The following FSHR variants were observed in gnomAD, a reference collection of about 807,000 sequenced individuals.
FSHR encodes follicle stimulating hormone receptor.
A neutral mutation model predicts 52.1 loss-of-function variants in FSHR; 46 were observed. The ratio of observed to expected loss-of-function variants is 0.88; its 90% CI spans 0.70 to 1.13. The LOEUF (loss-of-function observed/expected upper bound fraction) is 1.13, where lower values mean the gene tolerates loss of function less well. Among genes scored for constraint, FSHR ranks in the 50% most tolerant of loss-of-function variants. The probability of loss-of-function intolerance (pLI) is 0.00; values close to 1 mark genes in which losing one functional copy is unlikely to be tolerated. For synonymous variants in FSHR, 399 were observed against 309.6 expected, an observed-to-expected ratio of 1.29 and a Z score of -3.03; for missense variants, 964 against 834.6, an observed-to-expected ratio of 1.16 and a Z score of -1.91.
At chr2:49,037,570 A>G (rs1408537085) in intron 2 of FSHR, among the ~76,000 whole-genome samples, 2 of 151,528 alleles carry the variant, frequency 1.3e-5, no homozygotes, top group Non-Finnish European at 2.9e-5. Flanking sequence ...AATTATAAGA[A>G]AAATAAGAAA....
chr2:49,146,997 C>G (rs182645362), intron 1 of FSHR, among the ~76,000 whole-genome samples: 1 of 152,162 alleles, frequency 6.6e-6, no homozygotes, highest in Non-Finnish European at 1.5e-5. Context: ...AAAAAGGGCT[C>G]ATGTCACTCT....
intron 8 of FSHR, among the ~76,000 whole-genome samples, chr2:48,973,364 C>T (rs1025749582): frequency 2.1e-5 from 3 of 144,646 alleles, no homozygotes; most frequent in Non-Finnish European, 2.9e-5. Context: ...GGAAGTGGAC[C>T]CCCCGCCCCG....
At chr2:49,119,728 A>G (rs569815436) in intron 1 of FSHR, among the ~76,000 whole-genome samples, 1 of 152,316 alleles carries the variant, frequency 6.6e-6, no homozygotes, top group South Asian at 2.1e-4. Context: ...AATTTTCAAC[A>G]TAAAACAAGT....
At chr2:49,038,552 G>A (rs1423611643) in intron 2 of FSHR, among the ~76,000 whole-genome samples, 4 of 150,632 alleles carry the variant, frequency 2.7e-5, no homozygotes, top group African/African-American at 7.3e-5. Flanking sequence ...GTGAACCTGG[G>A]AGGCGGAGCT....
intron 1 of FSHR, among the ~76,000 whole-genome samples, chr2:49,121,740 A>C (rs943750438): frequency 6.6e-6 from 1 of 152,226 alleles, no homozygotes; most frequent in African/African-American, 2.4e-5. Flanking sequence ...TTTGTCACCC[A>C]AAAACTGGTT....
chr2:49,149,850 A>T lies in FSHR; in HGVS notation c.152+4416T>A, dbSNP rs114239064. 1.7e-3 allele frequency among the ~76,000 whole-genome samples: 254 copies of T among 152,212 alleles called. 1 individual carries two copies. The highest frequency in any genetic ancestry group is 3.0e-3 in the Non-Finnish European group (201 of 67,972). The stretch of plus-strand genomic sequence containing the variant: ...GCTAGTGAAAAGAGATTGCAATGAG[A>T]TATGGGAACTTGCTATAAGGACAAG... On this transcript the variant is annotated intron_variant, in intron 1 of 9. Coordinates refer to ENST00000406846, the MANE Select transcript of FSHR (RefSeq NM_000145.4).
chr2:49,036,774 TCA>T (rs1398863904), intron 2 of FSHR, among the ~76,000 whole-genome samples: 1 of 152,186 alleles, frequency 6.6e-6, no homozygotes, highest in African/African-American at 2.4e-5. Context: ...TGATAAACTA[TCA>T]CAAAGACTAA....
chr2:49,006,160 A>T (rs1233141112), intron 4 of FSHR, among the ~76,000 whole-genome samples: 1 of 152,058 alleles, frequency 6.6e-6, no homozygotes, highest in Admixed American at 6.6e-5. Flanking sequence ...GTGTGAGTTA[A>T]TACTACTAAA....
intron 4 of FSHR, among the ~76,000 whole-genome samples, chr2:49,013,866 A>G (rs1204984236): frequency 6.6e-6 from 1 of 152,088 alleles, no homozygotes; most frequent in Non-Finnish European, 1.5e-5. Context: ...AGAGTTAGAT[A>G]AGATCATCAG....
At chr2:49,080,402 A>G (rs1670124976) in intron 1 of FSHR, among the ~76,000 whole-genome samples, 1 of 152,192 alleles carries the variant, frequency 6.6e-6, no homozygotes, top group Admixed American at 6.5e-5. Context: ...TTACGGAAGC[A>G]TCATTACTAA....
chr2:49,079,654 A>G (rs1482372520), intron 1 of FSHR, among the ~76,000 whole-genome samples: 1 of 152,186 alleles, frequency 6.6e-6, no homozygotes, highest in East Asian at 1.9e-4. Context: ...AATATGGACT[A>G]ATCAATAAAG....
At chr2:48,992,614 T>C (rs1319685429) in intron 4 of FSHR, among the ~76,000 whole-genome samples, 12 of 152,248 alleles carry the variant, frequency 7.9e-5, no homozygotes, top group Middle Eastern at 3.4e-3. Flanking sequence ...AGGTGTTTTT[T>C]TCTGTGTAGA....
At chr2:49,149,372 A>T (rs1196091912) in intron 1 of FSHR, among the ~76,000 whole-genome samples, 1 of 152,028 alleles carries the variant, frequency 6.6e-6, no homozygotes, top group Non-Finnish European at 1.5e-5. Flanking sequence ...AGCAATAAAA[A>T]CGAATCCAAG....
chr2:49,119,196 A>G lies in FSHR; in HGVS notation c.152+35070T>C, dbSNP rs191981053. Among the ~76,000 whole-genome samples the G allele has an allele frequency of 1.1e-4, 17 of 152,336 alleles. No homozygotes were observed. The East Asian group carries it at 2.7e-3, about 24-fold the overall frequency. On this transcript the variant is annotated intron_variant, in intron 1 of 9. Transcript: ENST00000406846. ...GACTGATATTATTGGGGAATGTGAT[A>G]GTGGGGCAATATCCCCAAAGGCAAG...
Position 48,963,154 on chromosome 2 carries a change from A to C in FSHR, c.1667T>G (p.Val556Gly). 6.2e-7 allele frequency: 1 copy of C among 1,614,114 alleles called. No homozygotes were observed. The highest frequency in any genetic ancestry group is 1.1e-5 in the South Asian group (1 of 91,074). Reference protein sequence around the residue: ...CGCYIHIYLTVRNPNIVSSSS... With the variant: ...CGCYIHIYLTGRNPNIVSSSS... ...GGAGGACACGATGTTGGGGTTCCGC[A>C]CTGTGAGGTAGATGTGGATATAGCA... is the stretch of plus-strand genomic sequence containing the variant. Residue 556 changes from valine (V) to glycine (G), a missense_variant, in exon 10 of 10, where the codon GTG becomes GGG. Transcript: ENST00000406846.
intron 2 of FSHR, among the ~76,000 whole-genome samples, chr2:49,027,850 C>CA (rs397868435): frequency 0.098 from 4,762 of 48,530 alleles, 179 homozygotes; most frequent in African/African-American, 0.17. Flanking sequence ...ACTCTTTCTC[C>CA]AAAAAAAAAA....
intron 1 of FSHR, among the ~76,000 whole-genome samples, chr2:49,082,562 C>T (rs142765932): frequency 0.051 from 7,805 of 151,866 alleles, 457 homozygotes; most frequent in East Asian, 0.22. Context: ...TACGGGAGGA[C>T]GTTCAAACCA....
At chr2:49,102,996 C>T (rs79898940) in intron 1 of FSHR, among the ~76,000 whole-genome samples, 3,512 of 152,188 alleles carry the variant, frequency 0.023, 120 homozygotes, top group African/African-American at 0.081. Flanking sequence ...TTTAGATAGA[C>T]ATTTTTTCTC....
chr2:49,025,029 G>T (rs1007548978), intron 2 of FSHR, among the ~76,000 whole-genome samples: 1 of 152,174 alleles, frequency 6.6e-6, no homozygotes, highest in African/African-American at 2.4e-5. Flanking sequence ...TCAAATGTTT[G>T]CTGAATGAAT....
Sources: allele counts gnomAD v4.1 joint callset (sites outside exome capture counted in the v4.1 genomes callset), GRCh38; gene constraint gnomAD v4.1.1; transcripts MANE v1.5; gene names NCBI Gene and HGNC (gene_info 2026-07-23, HGNC 2026-07-21).